COQ8A: variants seen among roughly 807,000 people sequenced by gnomAD.
COQ8A encodes coenzyme Q8A.
In COQ8A, 51 loss-of-function variants were observed where a neutral mutation model predicts 65.0. That is an observed-to-expected ratio of 0.78 (90% CI 0.63 to 0.99). COQ8A has a LOEUF of 0.99. Among genes scored for constraint, COQ8A ranks in the 50% least tolerant of loss-of-function variants. The pLI, the probability that COQ8A is intolerant of heterozygous loss-of-function variation, is 0.00. For missense variants in COQ8A, 940 were observed against 875.0 expected (o/e 1.07, Z -0.94); for synonymous variants, 371 against 353.2 (o/e 1.05, Z -0.57).
At position 226,977,512 on chromosome 1, in the gene COQ8A, A is replaced by C. The variant is rs886046065; in HGVS notation, c.719A>C (p.Glu240Ala). 1 of 1,560,738 alleles carries C rather than the reference A, an allele frequency of 6.4e-7. No homozygotes were observed. The highest frequency in any genetic ancestry group is 8.7e-7 in the Non-Finnish European group (1 of 1,152,336). ...GTCGCCAAGAAGAGCCTGCGCTCCG[A>C]GGACCCCTCAGGTGAGCCGGGCCCT... ...AEVAKKSLRS[E>A]DPSGKKAVLG... is the part of the protein sequence containing the mutation. Residue 240 changes from glutamate (E) to alanine (A), a missense_variant, in exon 5 of 15, where the codon GAG becomes GCG. Physicochemically the swap from Glu to Ala is moderately radical, Grantham distance 107 (BLOSUM62 -1). Coordinates refer to ENST00000366777, the MANE Select transcript of COQ8A (RefSeq NM_020247.5).
rs538223681 is a variant in COQ8A, at chr1:226,970,016, G to GAC, written c.655+4280_655+4281insCA. ...CAGTCTCGCTCGGTCACCCAGGCTG[G>GAC]AGTGCAGCGGCGTGATCTCGGCTCA... On this transcript the variant is annotated intron_variant, in intron 4 of 14. Transcript: ENST00000366777. Among the ~76,000 whole-genome samples the GAC allele has an allele frequency of 7.2e-5, 11 of 152,238 alleles. No individual in the cohort carries two copies. In the South Asian group the frequency reaches 2.3e-3, roughly 32 times the overall value.
intron 1 of COQ8A, among the ~76,000 whole-genome samples, chr1:226,950,477 T>C (rs1657310938): frequency 6.6e-6 from 1 of 152,256 alleles, no homozygotes. Flanking sequence ...GTCCCAGCTT[T>C]ACTTCTTAAA....
intron 1 of COQ8A, 30 bp from the exon 2 acceptor site, chr1:226,961,347 C>G (rs771761411): frequency 1.9e-6 from 3 of 1,612,042 alleles, no homozygotes; most frequent in Non-Finnish European, 1.7e-6. Context: ...AGGCCTGGGG[C>G]CTCCCCTGAC....
chr1:226,961,556 G>C lies in COQ8A; in HGVS notation c.171G>C (p.Lys57Asn), dbSNP rs200123840. 1 of 1,610,184 alleles carries C rather than the reference G, an allele frequency of 6.2e-7. No individual in the cohort carries two copies. Among genetic ancestry groups the C allele is most frequent in the African/African-American group, 1.3e-5 (1 of 75,020 alleles). Residue 57 changes from lysine to asparagine, a missense_variant, in exon 2 of 15, where the codon AAG becomes AAC. Transcript: ENST00000366777. Reference protein sequence around the residue: ...AVEQIGMFLGKVQGQDKHEEY... With the variant: ...AVEQIGMFLGNVQGQDKHEEY... Reference sequence around the variant, plus strand: ...AGCAGATTGGCATGTTCTTGGGGAAGGTGCAGGTAAGGGGGCCTGGCAGTG... The same window carrying C: ...AGCAGATTGGCATGTTCTTGGGGAACGTGCAGGTAAGGGGGCCTGGCAGTG...
chr1:226,973,181 G>A (rs61833993), intron 4 of COQ8A, among the ~76,000 whole-genome samples: 24,304 of 152,304 alleles, frequency 0.16, 2,550 homozygotes, highest in Non-Finnish European at 0.24. Flanking sequence ...GCTTCCTGCA[G>A]TGCCAGTGCT....
At chr1:226,978,523 CTGA>C (rs1558201564) in intron 5 of COQ8A, among the ~76,000 whole-genome samples, 2 of 130,540 alleles carry the variant, frequency 1.5e-5, no homozygotes, top group East Asian at 4.3e-4. Flanking sequence ...CGAACACCCA[CTGA>C]ACACTGCACC....
At position 226,940,303 on chromosome 1, in the gene COQ8A, CG is replaced by C. The variant is rs1274574943; in HGVS notation, c.-104del. 2 of 152,416 alleles carry C rather than the reference CG, an allele frequency of 1.3e-5. No homozygotes were observed. The allele number at this position is 152,416 out of a possible 1,614,324, so 9.4% of individuals were successfully genotyped here. On this transcript the variant is annotated 5_prime_UTR_variant, in exon 1 of 15. Coordinates refer to ENST00000366777, the MANE Select transcript of COQ8A (RefSeq NM_020247.5). The stretch of plus-strand genomic sequence containing the variant: ...GAGCGGGCGAGTTGGTAAACAGATC[CG>C]GAGCGCGTGGCGGGCGTCAGCGCGG...
rs1553277898 is a variant in COQ8A, at chr1:226,971,559, A to AAAAG, written c.655+5825_655+5826insGAAA. 4.7e-3 allele frequency among the ~76,000 whole-genome samples: 714 copies of AAAAG among 151,622 alleles called. 7 individuals are homozygous for AAAAG. The highest frequency in any genetic ancestry group is 0.016 in the African/African-American group (666 of 40,948). On this transcript the variant is annotated intron_variant, in intron 4 of 14. Transcript: ENST00000366777. ...AGCTCCATCTCAAAAAGAAAAAGAA[A>AAAAG]AAAAAGAAAAAAGAGAATATATCAT...
chr1:226,950,253 C>T (rs1657295023), intron 1 of COQ8A, among the ~76,000 whole-genome samples: 1 of 152,206 alleles, frequency 6.6e-6, no homozygotes, highest in Non-Finnish European at 1.5e-5. Context: ...ACTTTGCCTT[C>T]TGCTGCTTTT....
chr1:226,975,770 C>G (rs539687436), intron 4 of COQ8A, among the ~76,000 whole-genome samples: 1 of 152,332 alleles, frequency 6.6e-6, no homozygotes, highest in Non-Finnish European at 1.5e-5. Flanking sequence ...GAGGCAGGGG[C>G]TGCCCAGACT....
At chr1:226,955,777 T>C (rs1572029309) in intron 1 of COQ8A, among the ~76,000 whole-genome samples, 1 of 92,676 alleles carries the variant, frequency 1.1e-5, no homozygotes. Flanking sequence ...CACTCCCTGG[T>C]TCACACTCTC....
intron 1 of COQ8A, among the ~76,000 whole-genome samples, chr1:226,960,411 GCGGTGGTACT>G (rs1558187456): frequency 8.6e-5 from 12 of 138,764 alleles, no homozygotes; most frequent in East Asian, 2.2e-4. Flanking sequence ...CTTGGTGGTG[GCGGTGGTACT>G]TGGTGGTGGT....
At chr1:226,977,144 T>C (rs1458296223) in intron 4 of COQ8A, among the ~76,000 whole-genome samples, 1 of 152,186 alleles carries the variant, frequency 6.6e-6, no homozygotes, top group East Asian at 1.9e-4. Context: ...TCCCAGGTGC[T>C]TCCCAGCTGG....
intron 8 of COQ8A, chr1:226,983,265 G>C: frequency 1.4e-6 from 1 of 715,550 alleles, no homozygotes; most frequent in Non-Finnish European, 2.3e-6. Flanking sequence ...AGCTTGATTT[G>C]GGGTGGGCAA....
intron 4 of COQ8A, among the ~76,000 whole-genome samples, chr1:226,967,950 T>C (rs1658661766): frequency 6.6e-6 from 1 of 152,258 alleles, no homozygotes; most frequent in African/African-American, 2.4e-5. Flanking sequence ...GTTCTGGCCC[T>C]AGTGGGGAAT....
At chr1:226,953,489 T>G (rs1233184308) in intron 1 of COQ8A, among the ~76,000 whole-genome samples, 3 of 152,206 alleles carry the variant, frequency 2.0e-5, no homozygotes, top group Non-Finnish European at 4.4e-5. Flanking sequence ...AGGCAGGGCC[T>G]GAGGAGAAGG....
chr1:226,970,260 G>C (rs1402563079), intron 4 of COQ8A, among the ~76,000 whole-genome samples: 1 of 152,186 alleles, frequency 6.6e-6, no homozygotes, highest in African/African-American at 2.4e-5. Flanking sequence ...GCCCTCATGT[G>C]TGTCTTAACA....
At chr1:226,956,784 C>T (rs866570588) in intron 1 of COQ8A, among the ~76,000 whole-genome samples, 6 of 98,914 alleles carry the variant, frequency 6.1e-5, no homozygotes, top group Admixed American at 2.2e-4. Context: ...TCCCTGGCTC[C>T]CACTCTCCCT....
intron 1 of COQ8A, among the ~76,000 whole-genome samples, chr1:226,944,764 TGAGAGAGAGAGAGTGAGA>T (rs1656922753): frequency 0.027 from 2,229 of 82,390 alleles, 23 homozygotes; most frequent in African/African-American, 0.034. Context: ...AGAGAGAGAG[TGAGAGAGAGAGAGTGAGA>T]GAGAGAGAGT....
Sources: gnomAD v4.1 joint callset for allele counts (sites outside exome capture counted in the v4.1 genomes callset) on GRCh38, gnomAD v4.1.1 for gene constraint, MANE v1.5 for transcripts, NCBI Gene and HGNC (gene_info 2026-07-23, HGNC 2026-07-21) for gene names.